Variants in CNTNAP2 observed in about 807,000 individuals in gnomAD.
CNTNAP2 encodes the protein contactin-associated protein-like 2.
Under a neutral mutation model 155.2 loss-of-function variants are expected in CNTNAP2, and 98 were observed. The observed-to-expected ratio is 0.63, with a 90% confidence interval of 0.54 to 0.75. CNTNAP2 has a LOEUF of 0.75. Ranked by LOEUF, CNTNAP2 falls within the 30% of genes least tolerant of loss-of-function variation. The pLI is 0.00. For missense variants in CNTNAP2, 1,727 were observed against 1,688.1 expected (o/e 1.02, Z -0.40); for synonymous variants, 651 against 631.2 (o/e 1.03, Z -0.47).
intron 1 of CNTNAP2, among the ~76,000 whole-genome samples, chr7:146,697,951 T>C (rs1800810161): frequency 6.6e-6 from 1 of 152,168 alleles, no homozygotes; most frequent in African/African-American, 2.4e-5. Context: ...TCTTTTTTAC[T>C]TCTATTTTAC....
chr7:147,262,445 T>A (rs1378943203), intron 8 of CNTNAP2, among the ~76,000 whole-genome samples: 1 of 152,066 alleles, frequency 6.6e-6, no homozygotes, highest in Non-Finnish European at 1.5e-5. Flanking sequence ...TCTAGTTCGG[T>A]CTCACTGGCA....
chr7:148,168,240 C>T (rs964247629), intron 17 of CNTNAP2, among the ~76,000 whole-genome samples: 8 of 151,878 alleles, frequency 5.3e-5, no homozygotes, highest in Admixed American at 1.3e-4. Flanking sequence ...ATAAATCATG[C>T]TGCTATAAAG....
At chr7:147,570,661 G>A (rs1386525047) in intron 12 of CNTNAP2, among the ~76,000 whole-genome samples, 1 of 152,088 alleles carries the variant, frequency 6.6e-6, no homozygotes, top group Non-Finnish European at 1.5e-5. Flanking sequence ...AACTCATGAC[G>A]ACCTCACAAG....
chr7:147,308,799 C>T (rs1795075711), intron 9 of CNTNAP2, among the ~76,000 whole-genome samples: 2 of 152,256 alleles, frequency 1.3e-5, no homozygotes, highest in Non-Finnish European at 2.9e-5. Flanking sequence ...GATGGGTTCT[C>T]AGTCAGTTCC....
chr7:147,581,618 GGATTTCTTGT>G (rs1000755121), intron 12 of CNTNAP2, among the ~76,000 whole-genome samples: 2 of 152,160 alleles, frequency 1.3e-5, no homozygotes, highest in Non-Finnish European at 2.9e-5. Context: ...TAAGTGTATA[GGATTTCTTGT>G]GACAAAAGCA....
chr7:147,033,187 T>C (rs972893894), intron 3 of CNTNAP2, among the ~76,000 whole-genome samples: 47 of 89,462 alleles, frequency 5.3e-4, no homozygotes, highest in African/African-American at 1.9e-3. Flanking sequence ...TATATATATA[T>C]ATATATATAT....
At chr7:148,293,410 G>A (rs1242918660) in intron 21 of CNTNAP2, among the ~76,000 whole-genome samples, 1 of 152,158 alleles carries the variant, frequency 6.6e-6, no homozygotes, top group Non-Finnish European at 1.5e-5. Context: ...GGTAATAGAT[G>A]TAAAGAATTG....
At chr7:146,394,047 T>C (rs745911754) in intron 1 of CNTNAP2, among the ~76,000 whole-genome samples, 4 of 152,168 alleles carry the variant, frequency 2.6e-5, no homozygotes, top group Non-Finnish European at 4.4e-5. Context: ...TGTCGCTTTA[T>C]CCAAAGGAGT....
intron 10 of CNTNAP2, among the ~76,000 whole-genome samples, chr7:147,426,366 T>C (rs1797377483): frequency 1.3e-5 from 2 of 152,242 alleles, no homozygotes; most frequent in South Asian, 4.2e-4. Context: ...ATCATGGATA[T>C]CCAGAACATT....
At chr7:146,621,066 A>G (rs1799308303) in intron 1 of CNTNAP2, among the ~76,000 whole-genome samples, 1 of 152,156 alleles carries the variant, frequency 6.6e-6, no homozygotes, top group African/African-American at 2.4e-5. Context: ...TCTCAACTTT[A>G]GCCGAATTTT....
chr7:146,631,015 A>T (rs1399159996), intron 1 of CNTNAP2, among the ~76,000 whole-genome samples: 1 of 152,200 alleles, frequency 6.6e-6, no homozygotes, highest in Non-Finnish European at 1.5e-5. Flanking sequence ...TGTTATTCCC[A>T]TCAAGCTACC....
chr7:146,486,881 C>A (rs188989773), intron 1 of CNTNAP2, among the ~76,000 whole-genome samples: 1 of 152,268 alleles, frequency 6.6e-6, no homozygotes, highest in Non-Finnish European at 1.5e-5. Flanking sequence ...ATTCCCCTCA[C>A]CTAGATGCCA....
intron 16 of CNTNAP2, 110 bp from the exon 17 acceptor site, chr7:148,147,381 C>T: frequency 9.6e-7 from 1 of 1,040,558 alleles, no homozygotes; most frequent in South Asian, 1.3e-5. Context: ...TAGGACGTGA[C>T]AGGCTTAGAT....
intron 13 of CNTNAP2, among the ~76,000 whole-genome samples, chr7:147,901,144 C>CT (rs1296467392): frequency 6.6e-6 from 1 of 152,134 alleles, no homozygotes; most frequent in Non-Finnish European, 1.5e-5. Context: ...ACTCCTGAAC[C>CT]TTTTTTGTGT....
intron 9 of CNTNAP2, among the ~76,000 whole-genome samples, chr7:147,346,421 T>A (rs1023798881): frequency 6.6e-6 from 1 of 152,098 alleles, no homozygotes; most frequent in African/African-American, 2.4e-5. Context: ...CCCAAAGTGC[T>A]GGGATTACAG....
chr7:148,202,984 T>G (rs1038827326), intron 18 of CNTNAP2, among the ~76,000 whole-genome samples: 3 of 152,242 alleles, frequency 2.0e-5, no homozygotes, highest in Non-Finnish European at 2.9e-5. Flanking sequence ...GACAACCTCA[T>G]TTTCAGGATC....
intron 1 of CNTNAP2, among the ~76,000 whole-genome samples, chr7:146,286,002 G>A (rs1268339895): frequency 2.1e-5 from 2 of 96,948 alleles, no homozygotes; most frequent in Non-Finnish European, 4.0e-5. Flanking sequence ...GTGTGTGTGT[G>A]TGTGTGTGTG....
chr7:148,152,230 A>T (rs911116145), intron 17 of CNTNAP2, among the ~76,000 whole-genome samples: 18 of 151,932 alleles, frequency 1.2e-4, no homozygotes, highest in Non-Finnish European at 2.9e-5. Context: ...TGGAGTTATT[A>T]CTCAAATCAG....
At chr7:147,287,759 G>T (rs191918945) in intron 8 of CNTNAP2, among the ~76,000 whole-genome samples, 13 of 152,108 alleles carry the variant, frequency 8.5e-5, no homozygotes, top group Non-Finnish European at 1.6e-4. Flanking sequence ...TCTCATTACA[G>T]TTAAATGGCA....
Sources: allele counts gnomAD v4.1 joint callset (sites outside exome capture counted in the v4.1 genomes callset), GRCh38; gene constraint gnomAD v4.1.1; transcripts MANE v1.5; gene names NCBI Gene and HGNC (gene_info 2026-07-23, HGNC 2026-07-21).